PLCB4: variants seen among roughly 807,000 people sequenced by gnomAD.
PLCB4 encodes the protein 1-phosphatidylinositol 4,5-bisphosphate phosphodiesterase beta-4.
In PLCB4, 77 loss-of-function variants were observed where a neutral mutation model predicts 178.8. That is an observed-to-expected ratio of 0.43 (90% CI 0.36 to 0.52). The LOEUF is 0.52. PLCB4 is among the 20% of genes least tolerant of loss of function. The pLI is 0.00. For missense variants in PLCB4, 1,024 were observed against 1,453.4 expected (o/e 0.70, Z 4.80); for synonymous variants, 496 against 490.8 (o/e 1.01, Z -0.14).
At chr20:9,162,598 T>C (rs2092906682) in intron 2 of PLCB4, among the ~76,000 whole-genome samples, 1 of 152,224 alleles carries the variant, frequency 6.6e-6, no homozygotes, top group Non-Finnish European at 1.5e-5. Flanking sequence ...CCTTCGTTCA[T>C]GTTTACTAGT....
intron 2 of PLCB4, among the ~76,000 whole-genome samples, chr20:9,188,620 T>C (rs74183581): frequency 0.051 from 2,845 of 55,338 alleles, 1 homozygote; most frequent in African/African-American, 0.093. Flanking sequence ...GGCTGTCATA[T>C]AGTGACATTC....
intron 4 of PLCB4, among the ~76,000 whole-genome samples, chr20:9,335,145 G>A (rs183457132): frequency 2.6e-3 from 398 of 152,188 alleles, no homozygotes; most frequent in Non-Finnish European, 4.3e-3. Context: ...CTTCATTGCC[G>A]TCAGGATATT....
intron 2 of PLCB4, among the ~76,000 whole-genome samples, chr20:9,182,036 G>T (rs907701028): frequency 6.6e-6 from 1 of 152,208 alleles, no homozygotes; most frequent in African/African-American, 2.4e-5. Context: ...TGAGAGGGCG[G>T]TGTCTGTTTT....
rs74811626 is a variant in PLCB4 at position 9,238,917 on chromosome 20, A to T, written c.-16+21465A>T. Among the ~76,000 whole-genome samples, 347 of 152,332 alleles carry T rather than the reference A, an allele frequency of 2.3e-3. 7 individuals are homozygous for T. In the East Asian group the frequency reaches 0.035, roughly 15 times the overall value. The stretch of plus-strand genomic sequence containing the variant: ...ATCTCCACTTAATTTTTTGGAGGCG[A>T]TCACTATAGCCGTTTCTGTTTTTAA... On this transcript the variant is annotated intron_variant, in intron 3 of 39. Transcript: ENST00000378473.
At chr20:9,442,194 C>G (rs1295507598) in intron 30 of PLCB4, among the ~76,000 whole-genome samples, 1 of 152,198 alleles carries the variant, frequency 6.6e-6, no homozygotes, top group Admixed American at 6.5e-5. Flanking sequence ...TAACAATTAA[C>G]TTAAAAGTTA....
chr20:9,111,002 C>A (rs139333567), intron 2 of PLCB4, among the ~76,000 whole-genome samples: 7 of 152,242 alleles, frequency 4.6e-5, no homozygotes, highest in Non-Finnish European at 7.4e-5. Flanking sequence ...ATTATTCAAA[C>A]TGTTTCCAAG....
chr20:9,333,006 A>T (rs745956980), intron 4 of PLCB4, among the ~76,000 whole-genome samples: 3 of 152,158 alleles, frequency 2.0e-5, no homozygotes, highest in Non-Finnish European at 2.9e-5. Context: ...GGCCTCAACC[A>T]GTGCCCTTGT....
intron 35 of PLCB4, among the ~76,000 whole-genome samples, chr20:9,464,602 C>T (rs967666120): frequency 5.9e-5 from 9 of 152,036 alleles, no homozygotes; most frequent in Non-Finnish European, 1.3e-4. Context: ...AAAGAGATAT[C>T]ACCACCGATC....
At position 9,450,658 on chromosome 20, in the gene PLCB4, C is replaced by CTTTT. The variant is rs60982044; in HGVS notation, c.2881-2672_2881-2669dup. Among the ~76,000 whole-genome samples the CTTTT allele has an allele frequency of 8.6e-4, 86 of 100,254 alleles. 2 individuals are homozygous for CTTTT. Among genetic ancestry groups the CTTTT allele is most frequent in the Non-Finnish European group, 1.3e-3 (61 of 48,674 alleles). The allele number at this position is 100,254 out of a possible 152,430, so 65.8% of individuals were successfully genotyped here. A position where few individuals can be genotyped will look rare whatever the true frequency, so the allele number is the denominator to read the frequency against. ...ACTCAGTTTTCTTTTCTTTTCTTTTCTTTTTTTTTTTTTTTTTTTTGAGAT... is the reference window on the plus strand; with the variant it reads ...ACTCAGTTTTCTTTTCTTTTCTTTTCTTTTTTTTTTTTTTTTTTTTTTTTGAGAT... On this transcript the variant is annotated intron_variant, in intron 32 of 39. Coordinates refer to ENST00000378473, the MANE Select transcript of PLCB4 (RefSeq NM_001377142.1).
chr20:9,387,917 A>T (rs1019777004), intron 15 of PLCB4, among the ~76,000 whole-genome samples: 1 of 152,264 alleles, frequency 6.6e-6, no homozygotes, highest in African/African-American at 2.4e-5. Flanking sequence ...AGAATACAGG[A>T]ATAAAATAGA....
At chr20:9,399,537 G>C (rs1322633309) in intron 19 of PLCB4, among the ~76,000 whole-genome samples, 1 of 152,246 alleles carries the variant, frequency 6.6e-6, no homozygotes, top group Admixed American at 6.5e-5. Flanking sequence ...AAGGCTTTCA[G>C]TCAGTGAAAG....
intron 9 of PLCB4, among the ~76,000 whole-genome samples, chr20:9,370,628 C>T (rs2036168817): frequency 6.6e-6 from 1 of 152,060 alleles, no homozygotes; most frequent in South Asian, 2.1e-4. Context: ...GTGTCCCAGG[C>T]CAGGCGCTGT....
intron 3 of PLCB4, among the ~76,000 whole-genome samples, chr20:9,276,298 G>A (rs1280821291): frequency 6.6e-6 from 1 of 152,064 alleles, no homozygotes; most frequent in Non-Finnish European, 1.5e-5. Context: ...AAATCACCAA[G>A]AGGAAGGGAT....
At chr20:9,100,215 C>T (rs530132003) in intron 2 of PLCB4, among the ~76,000 whole-genome samples, 7 of 152,080 alleles carry the variant, frequency 4.6e-5, no homozygotes, top group Non-Finnish European at 1.0e-4. Flanking sequence ...TGACCAGCAC[C>T]AACAGTGCAG....
chr20:9,383,997 C>T (rs1025630555), intron 13 of PLCB4, among the ~76,000 whole-genome samples: 9 of 152,128 alleles, frequency 5.9e-5, no homozygotes, highest in Non-Finnish European at 1.2e-4. Flanking sequence ...AGCAGAATAC[C>T]ACCTGTTTGT....
At chr20:9,271,607 TACTTATCCCTG>T (rs2094403177) in intron 3 of PLCB4, among the ~76,000 whole-genome samples, 2 of 152,146 alleles carry the variant, frequency 1.3e-5, no homozygotes, top group Non-Finnish European at 2.9e-5. Context: ...TTGTCCAGAT[TACTTATCCCTG>T]TAAAAAAATG....
chr20:9,232,618 G>A (rs2147358560), intron 3 of PLCB4, among the ~76,000 whole-genome samples: 1 of 152,202 alleles, frequency 6.6e-6, no homozygotes, highest in South Asian at 2.1e-4. Context: ...TTGAATTATG[G>A]TAGCTACAGC....
intron 25 of PLCB4, among the ~76,000 whole-genome samples, chr20:9,417,803 T>C (rs755853469): frequency 6.6e-6 from 1 of 152,182 alleles, no homozygotes; most frequent in Non-Finnish European, 1.5e-5. Context: ...GAATGCATCA[T>C]TTTACACTCC....
intron 2 of PLCB4, among the ~76,000 whole-genome samples, chr20:9,181,066 C>T (rs1568906311): frequency 6.6e-6 from 1 of 152,156 alleles, no homozygotes; most frequent in Non-Finnish European, 1.5e-5. Context: ...ATGACCTTAA[C>T]CAAGCTTTGA....
Sources: allele counts gnomAD v4.1 joint callset (sites outside exome capture counted in the v4.1 genomes callset), GRCh38; gene constraint gnomAD v4.1.1; transcripts MANE v1.5; gene names NCBI Gene and HGNC (gene_info 2026-07-23, HGNC 2026-07-21).